The following FAF1 variants were observed in gnomAD, a reference collection of about 807,000 sequenced individuals.
The protein encoded by FAF1 is Fas associated factor 1.
Under a neutral mutation model 92.5 loss-of-function variants are expected in FAF1, and 25 were observed. The observed-to-expected ratio is 0.27, with a 90% CI of 0.20 to 0.38. FAF1 has a LOEUF of 0.38. Among genes scored for constraint, FAF1 ranks in the 10% least tolerant of loss-of-function variants. The pLI, the probability that FAF1 is intolerant of heterozygous loss-of-function variation, is 1.00. For missense variants in FAF1, 636 were observed against 793.3 expected, an observed-to-expected ratio of 0.80 and a Z score of 2.38; for synonymous variants, 234 against 273.2, an observed-to-expected ratio of 0.86 and a Z score of 1.42.
At position 50,642,701 on chromosome 1, in the gene FAF1, T is replaced by C. The variant is rs571111592; in HGVS notation, c.744+12741A>G. ...AATTCTTGTAGTCAGTTGAATCTTGTTTTTTAAAGTTCATTTTTAATAATC... is the reference window on the plus strand; with the variant it reads ...AATTCTTGTAGTCAGTTGAATCTTGCTTTTTAAAGTTCATTTTTAATAATC... On this transcript the variant is annotated intron_variant, in intron 8 of 18. Coordinates refer to ENST00000396153, the MANE Select transcript of FAF1 (RefSeq NM_007051.3). Among the ~76,000 whole-genome samples, 156 of 151,408 alleles carry C rather than the reference T, an allele frequency of 1.0e-3. 1 individual carries two copies. The highest frequency in any genetic ancestry group is 2.1e-3 in the Non-Finnish European group (141 of 67,948).
At chr1:50,732,454 T>C (rs968445818) in intron 6 of FAF1, among the ~76,000 whole-genome samples, 5 of 152,226 alleles carry the variant, frequency 3.3e-5, no homozygotes, top group African/African-American at 1.2e-4. Context: ...TCCAATTTTG[T>C]AGACTTGTGC....
At chr1:50,678,843 T>A (rs1481186921) in intron 7 of FAF1, among the ~76,000 whole-genome samples, 1 of 145,054 alleles carries the variant, frequency 6.9e-6, no homozygotes. Context: ...TCCCAACACT[T>A]TGGGAGGCCG....
intron 3 of FAF1, among the ~76,000 whole-genome samples, chr1:50,795,871 C>A (rs907529096): frequency 8.6e-5 from 13 of 152,038 alleles, no homozygotes; most frequent in African/African-American, 3.1e-4. Context: ...AGTGACTGGT[C>A]CTGATTACCA....
intron 2 of FAF1, among the ~76,000 whole-genome samples, chr1:50,822,743 G>GTTTTT (rs757343855): frequency 2.4e-4 from 34 of 141,320 alleles, no homozygotes; most frequent in African/African-American, 3.8e-4. Context: ...TTTTTTTGGT[G>GTTTTT]TTTTTTCTTT....
At chr1:50,490,441 AAGGAAGG>A (rs1646820415) in intron 17 of FAF1, 140 bp downstream of exon 17, 4 of 569,508 alleles carry the variant, frequency 7.0e-6, no homozygotes, top group Non-Finnish European at 1.3e-5. Flanking sequence ...GGAAGGAAGG[AAGGAAGG>A]AAGGAAGGAA....
At chr1:50,760,556 T>C (rs1391828911) in intron 4 of FAF1, among the ~76,000 whole-genome samples, 1 of 152,080 alleles carries the variant, frequency 6.6e-6, no homozygotes, top group African/African-American at 2.4e-5. Context: ...CTCAACTACA[T>C]GGAAACTGAA....
chr1:50,788,453 T>C (rs1353178864), intron 3 of FAF1, among the ~76,000 whole-genome samples: 2 of 152,212 alleles, frequency 1.3e-5, no homozygotes, highest in East Asian at 1.9e-4. Flanking sequence ...TAGCATTTAA[T>C]CAGATTTTTA....
intron 15 of FAF1, among the ~76,000 whole-genome samples, chr1:50,500,664 C>A (rs1036430204): frequency 3.3e-5 from 5 of 152,028 alleles, no homozygotes; most frequent in African/African-American, 1.2e-4. Context: ...TGGACTTCAT[C>A]AAAATTTTAA....
chr1:50,648,055 T>TA (rs1007289444), intron 8 of FAF1, among the ~76,000 whole-genome samples: 9 of 151,940 alleles, frequency 5.9e-5, no homozygotes, highest in African/African-American at 1.5e-4. Flanking sequence ...GGTCAGGAGT[T>TA]AGAGACCAGC....
intron 6 of FAF1, among the ~76,000 whole-genome samples, chr1:50,722,717 C>G (rs1658465907): frequency 6.6e-6 from 1 of 151,350 alleles, no homozygotes; most frequent in Non-Finnish European, 1.5e-5. Flanking sequence ...TGTGACTTGG[C>G]AAAGAGAAGT....
Position 50,960,157 on chromosome 1 carries a change from G to A in FAF1, c.-346C>T, listed in dbSNP as rs1645305850. On this transcript the variant is annotated 5_prime_UTR_variant, in exon 1 of 19. Coordinates refer to ENST00000396153, the MANE Select transcript of FAF1 (RefSeq NM_007051.3). ...AGCGCGCACCCGGATACCTTCAGCG[G>A]CGTTAAGCCCGGCGGGGGCGGGGAA... 3.0e-6 allele frequency: 1 copy of A among 337,174 alleles called. No individual in the cohort carries two copies. Among genetic ancestry groups the A allele is most frequent in the Non-Finnish European group, 5.4e-6 (1 of 185,230 alleles). 20.9% of individuals were successfully genotyped at this position (337,174 alleles called of 1,614,324 possible).
chr1:50,627,024 C>T (rs980703974), intron 8 of FAF1, among the ~76,000 whole-genome samples: 2 of 152,074 alleles, frequency 1.3e-5, no homozygotes, highest in Non-Finnish European at 2.9e-5. Flanking sequence ...AGAAGAAGAT[C>T]AGGCATGCGC....
In FAF1 at chr1:50,800,729, C is replaced by T. The variant is rs370428653; in HGVS notation, c.161+902G>A. Among the ~76,000 whole-genome samples, 23 of 152,292 alleles carry T rather than the reference C, an allele frequency of 1.5e-4. No individual in the cohort carries two copies. In the East Asian group the frequency reaches 4.2e-3, roughly 28 times the overall value. On this transcript the variant is annotated intron_variant, in intron 3 of 18. Transcript: ENST00000396153. ...AGCATGTCTTGCAGTTCATGGTGAA[C>T]TTCCTGATGTTTCTGCAAGAGTACT...
intron 8 of FAF1, among the ~76,000 whole-genome samples, chr1:50,601,410 G>C (rs1282369825): frequency 6.6e-6 from 1 of 151,982 alleles, no homozygotes; most frequent in African/African-American, 2.4e-5. Context: ...GTGGTGGCTC[G>C]GTGTGAGACA....
At chr1:50,743,540 C>T (rs2124494190) in intron 5 of FAF1, among the ~76,000 whole-genome samples, 1 of 151,760 alleles carries the variant, frequency 6.6e-6, no homozygotes, top group East Asian at 2.0e-4. Flanking sequence ...GTTGGCCAGG[C>T]TGGTCTCGAA....
chr1:50,781,776 A>T (rs1159470964), intron 4 of FAF1, among the ~76,000 whole-genome samples: 2 of 152,232 alleles, frequency 1.3e-5, no homozygotes, highest in African/African-American at 4.8e-5. Flanking sequence ...TAAACTTAAG[A>T]TGACTGAAAT....
chr1:50,831,068 G>T (rs1245013829), intron 2 of FAF1, among the ~76,000 whole-genome samples: 1 of 151,598 alleles, frequency 6.6e-6, no homozygotes, highest in African/African-American at 2.4e-5. Flanking sequence ...TAGCCCCAAA[G>T]AAACCATAGT....
intron 7 of FAF1, among the ~76,000 whole-genome samples, chr1:50,699,662 A>G (rs1456084722): frequency 1.3e-5 from 2 of 152,164 alleles, no homozygotes; most frequent in Non-Finnish European, 2.9e-5. Flanking sequence ...AAGCTAACAG[A>G]TGTGTGACTT....
intron 18 of FAF1, among the ~76,000 whole-genome samples, chr1:50,465,709 C>A (rs776456779): frequency 6.6e-6 from 1 of 151,904 alleles, no homozygotes; most frequent in African/African-American, 2.4e-5. Context: ...GCAGAGAGGG[C>A]AGGGAAGGAA....
Sources: allele counts gnomAD v4.1 joint callset (sites outside exome capture counted in the v4.1 genomes callset), GRCh38; gene constraint gnomAD v4.1.1; transcripts MANE v1.5; gene names NCBI Gene and HGNC (gene_info 2026-07-23, HGNC 2026-07-21).